UNC13C: variants seen among roughly 807,000 people sequenced by gnomAD.
UNC13C encodes the protein protein unc-13 homolog C.
UNC13C carries 174 observed loss-of-function variants against 245.4 expected under a neutral mutation model. The ratio of observed to expected loss-of-function variants is 0.71; its 90% CI spans 0.63 to 0.80. The LOEUF is 0.80. Among genes scored for constraint, UNC13C ranks in the 30% least tolerant of loss-of-function variants. UNC13C has a pLI of 0.00. For synonymous variants in UNC13C, 992 were observed against 895.1 expected, an observed-to-expected ratio of 1.11 and a Z score of -1.93; for missense variants, 2,829 against 2,602.9, an observed-to-expected ratio of 1.09 and a Z score of -1.89.
chr15:54,098,507 C>G (rs1474206241), intron 2 of UNC13C, among the ~76,000 whole-genome samples: 1 of 152,132 alleles, frequency 6.6e-6, no homozygotes, highest in Non-Finnish European at 1.5e-5. Flanking sequence ...CTCCCAACTT[C>G]CAGGAATTGT....
intron 30 of UNC13C, among the ~76,000 whole-genome samples, chr15:54,587,955 G>T (rs1477185310): frequency 1.3e-5 from 2 of 152,196 alleles, no homozygotes; most frequent in African/African-American, 4.8e-5. Flanking sequence ...CCAAGTTTCA[G>T]ATGAGACTAA....
At chr15:53,879,812 C>T in the UNC13C span, among the ~76,000 whole-genome samples, 3 of 152,104 alleles carry the variant, frequency 2.0e-5, no homozygotes, top group African/African-American at 7.2e-5. Context: ...GTCTTGAACT[C>T]CTGACCTCAC....
chr15:53,930,415 TA>T, the UNC13C span, among the ~76,000 whole-genome samples: 2 of 152,212 alleles, frequency 1.3e-5, no homozygotes, highest in Non-Finnish European at 2.9e-5. Flanking sequence ...GGCCTGTAAC[TA>T]AAAGAACTGG....
intron 30 of UNC13C, among the ~76,000 whole-genome samples, chr15:54,585,665 A>G (rs1476652525): frequency 7.2e-5 from 11 of 152,212 alleles, no homozygotes; most frequent in Non-Finnish European, 4.4e-5. Context: ...AAACTTCTCC[A>G]CAAAGGTAGA....
Position 54,485,398 on chromosome 15 carries a change from T to C in UNC13C, c.4934-9210T>C, listed in dbSNP as rs78656005. On this transcript the variant is annotated intron_variant, in intron 19 of 32. Transcript: ENST00000260323. Reference sequence around the variant, plus strand: ...GAAAGAGGTGAGAGGTAAGGCTATGTAGTGGAAAGACACAGAACCAAGATT... The same window carrying C: ...GAAAGAGGTGAGAGGTAAGGCTATGCAGTGGAAAGACACAGAACCAAGATT... Among the ~76,000 whole-genome samples, 532 of 152,318 alleles carry C rather than the reference T, an allele frequency of 3.5e-3. 3 individuals carry two copies. Among genetic ancestry groups the C allele is most frequent in the African/African-American group, 0.012 (507 of 41,566 alleles).
At chr15:53,862,030 AC>A in the UNC13C span, among the ~76,000 whole-genome samples, 1 of 152,120 alleles carries the variant, frequency 6.6e-6, no homozygotes, top group African/African-American at 2.4e-5. Flanking sequence ...GGCTGCTATA[AC>A]AAAATACCAT....
chr15:54,015,141 T>C lies in UNC13C; in HGVS notation c.2238T>C (p.Ser746=). 1.2e-6 allele frequency: 2 copies of C among 1,612,414 alleles called. No individual in the cohort carries two copies. Among genetic ancestry groups the C allele is most frequent in the Non-Finnish European group, 1.7e-6 (2 of 1,179,214 alleles). The part of the protein sequence containing the change: ...GQYDSYQGAN[S]NELYQNQNQL... ...ATGATTCTTATCAGGGAGCTAATTC[T>C]AATGAGCTATACCAAAATCAAAACC... is the stretch of plus-strand genomic sequence containing the variant. The change falls in exon 2 of 33, where the codon TCT becomes TCC. Residue 746 remains serine (S), a synonymous_variant. Coordinates refer to ENST00000260323, the MANE Select transcript of UNC13C (RefSeq NM_001080534.3).
At chr15:53,976,471 C>CTTTTTTT (rs1491026119), upstream of UNC13C, among the ~76,000 whole-genome samples, 2 of 31,406 alleles carry the variant, frequency 6.4e-5, no homozygotes, top group Non-Finnish European at 1.0e-4. Flanking sequence ...CTCTCTCTCT[C>CTTTTTTT]TCTCTCTTTT....
the UNC13C span, among the ~76,000 whole-genome samples, chr15:53,953,810 G>A: frequency 2.0e-5 from 3 of 152,240 alleles, no homozygotes; most frequent in Non-Finnish European, 2.9e-5. Flanking sequence ...TAACATTTAG[G>A]ATTTATAAGT....
intron 4 of UNC13C, among the ~76,000 whole-genome samples, chr15:54,162,858 A>C (rs1211854182): frequency 6.6e-6 from 1 of 152,206 alleles, no homozygotes; most frequent in Non-Finnish European, 1.5e-5. Flanking sequence ...ATTAAGCATG[A>C]GGGTGAAATC....
intron 30 of UNC13C, among the ~76,000 whole-genome samples, chr15:54,610,744 A>G (rs956833875): frequency 6.6e-6 from 1 of 152,214 alleles, no homozygotes; most frequent in Non-Finnish European, 1.5e-5. Flanking sequence ...TAAGTAACTT[A>G]CTCAAGGTCA....
intron 4 of UNC13C, among the ~76,000 whole-genome samples, chr15:54,185,021 A>C (rs1402056984): frequency 6.6e-6 from 1 of 152,172 alleles, no homozygotes; most frequent in African/African-American, 2.4e-5. Flanking sequence ...ATGGCCAGTG[A>C]TGATGAGCAT....
At chr15:54,395,479 A>G (rs1596321891) in intron 18 of UNC13C, among the ~76,000 whole-genome samples, 1 of 151,882 alleles carries the variant, frequency 6.6e-6, no homozygotes, top group Non-Finnish European at 1.5e-5. Context: ...CCTGCAATTG[A>G]CACAGAAGTC....
intron 2 of UNC13C, among the ~76,000 whole-genome samples, chr15:54,032,687 G>A (rs1156585137): frequency 2.6e-5 from 4 of 152,118 alleles, no homozygotes; most frequent in Admixed American, 6.5e-5. Context: ...GAGCCTAAAG[G>A]TTAAATATTT....
At chr15:54,148,483 T>A (rs1433833638) in intron 4 of UNC13C, among the ~76,000 whole-genome samples, 1 of 152,202 alleles carries the variant, frequency 6.6e-6, no homozygotes, top group African/African-American at 2.4e-5. Context: ...ATTGCTTTTT[T>A]ATTTGTCTAT....
At chr15:54,424,147 T>C (rs1005432833) in intron 19 of UNC13C, among the ~76,000 whole-genome samples, 1 of 151,772 alleles carries the variant, frequency 6.6e-6, no homozygotes, top group African/African-American at 2.4e-5. Context: ...TGTCTCCTCA[T>C]TAAATCAAAT....
chr15:54,023,509 A>G (rs1895985231), intron 2 of UNC13C, among the ~76,000 whole-genome samples: 1 of 152,214 alleles, frequency 6.6e-6, no homozygotes, highest in Non-Finnish European at 1.5e-5. Context: ...TGGGGAGGTG[A>G]TGCTAGTCAC....
At chr15:54,039,942 T>G (rs1896743977) in intron 2 of UNC13C, among the ~76,000 whole-genome samples, 1 of 152,034 alleles carries the variant, frequency 6.6e-6, no homozygotes, top group Admixed American at 6.6e-5. Flanking sequence ...GCTGTTAATG[T>G]CAGTATGTCA....
In UNC13C at chr15:54,322,040, T is replaced by C; in HGVS notation, c.4370T>C (p.Val1457Ala). ...NINAFYAHTT[V>A]STNIQVSASD... ...AATGCTTTTTATGCTCACACAACAG[T>C]TTCAACAAACATACAGGTTTCTGCC... is the stretch of plus-strand genomic sequence containing the variant. The change falls in exon 14 of 33, where the codon GTT becomes GCT. Residue 1457 changes from valine (V) to alanine (A), a missense_variant. Transcript: ENST00000260323. 1 of 1,591,480 alleles carries C rather than the reference T, an allele frequency of 6.3e-7. No homozygotes were observed. Among genetic ancestry groups the C allele is most frequent in the Admixed American group, 1.8e-5 (1 of 56,868 alleles).
Sources: allele counts gnomAD v4.1 joint callset (sites outside exome capture counted in the v4.1 genomes callset), GRCh38; gene constraint gnomAD v4.1.1; transcripts MANE v1.5; gene names NCBI Gene and HGNC (gene_info 2026-07-23, HGNC 2026-07-21).